ST8SIA4: variants seen among roughly 807,000 people sequenced by gnomAD.
ST8SIA4 encodes CMP-N-acetylneuraminate-poly-alpha-2,8-sialyltransferase.
In ST8SIA4, 15 loss-of-function variants were observed where a neutral mutation model predicts 33.9. The ratio of observed to expected loss-of-function variants is 0.44; its 90% CI spans 0.30 to 0.68. ST8SIA4 has a LOEUF of 0.68. ST8SIA4 is among the 30% of genes least tolerant of loss of function. The pLI, the probability that ST8SIA4 is intolerant of heterozygous loss-of-function variation, is 0.10. For synonymous variants in ST8SIA4, 171 were observed against 151.2 expected, an observed-to-expected ratio of 1.13 and a Z score of -0.96; for missense variants, 321 against 428.0, an observed-to-expected ratio of 0.75 and a Z score of 2.21.
At chr5:100,902,712 T>C in intron 1 of ST8SIA4, 131 bp downstream of exon 1, 1 of 782,792 alleles carries the variant, frequency 1.3e-6, no homozygotes, top group South Asian at 1.5e-5. Flanking sequence ...TGTTATTTAA[T>C]TCATGACACT....
intron 4 of ST8SIA4, among the ~76,000 whole-genome samples, chr5:100,820,773 A>C (rs1173488291): frequency 6.6e-6 from 1 of 152,176 alleles, no homozygotes. Flanking sequence ...GATTTTGGTG[A>C]AGAAGAATTT....
intron 4 of ST8SIA4, among the ~76,000 whole-genome samples, chr5:100,852,366 C>T (rs561477416): frequency 6.6e-5 from 10 of 151,654 alleles, no homozygotes; most frequent in South Asian, 2.1e-4. Context: ...AGGTAATCCA[C>T]GCACCTTGGC....
intron 4 of ST8SIA4, among the ~76,000 whole-genome samples, chr5:100,822,991 C>T (rs1279718367): frequency 2.6e-5 from 4 of 151,936 alleles, no homozygotes; most frequent in African/African-American, 9.7e-5. Flanking sequence ...AGTAGCCGGG[C>T]GTGGTGGCGG....
chr5:100,815,420 T>TCTTC (rs536259994), intron 4 of ST8SIA4, among the ~76,000 whole-genome samples: 152 of 151,478 alleles, frequency 1.0e-3, no homozygotes, highest in East Asian at 7.0e-3. Flanking sequence ...ATCCTTCCTT[T>TCTTC]CTTCCTTCCT....
At chr5:100,892,285 T>C (rs1301980291) in intron 2 of ST8SIA4, among the ~76,000 whole-genome samples, 1 of 152,174 alleles carries the variant, frequency 6.6e-6, no homozygotes, top group African/African-American at 2.4e-5. Context: ...TCACAACATT[T>C]AATGCATCTT....
chr5:100,828,396 T>A (rs1188087520), intron 4 of ST8SIA4, among the ~76,000 whole-genome samples: 1 of 152,156 alleles, frequency 6.6e-6, no homozygotes, highest in Non-Finnish European at 1.5e-5. Flanking sequence ...CTCCTTAGGG[T>A]CAGTGTGCTT....
chr5:100,896,400 A>G (rs1752781675), intron 1 of ST8SIA4, among the ~76,000 whole-genome samples: 1 of 152,136 alleles, frequency 6.6e-6, no homozygotes, highest in African/African-American at 2.4e-5. Flanking sequence ...AAAACAGTGG[A>G]AATCATAGAA....
intron 4 of ST8SIA4, among the ~76,000 whole-genome samples, chr5:100,833,309 A>G (rs2112416561): frequency 6.6e-6 from 1 of 152,206 alleles, no homozygotes; most frequent in South Asian, 2.1e-4. Flanking sequence ...TTCATGATTG[A>G]TGACACACAG....
At chr5:100,841,376 G>T (rs1751466855) in intron 4 of ST8SIA4, among the ~76,000 whole-genome samples, 1 of 151,824 alleles carries the variant, frequency 6.6e-6, no homozygotes, top group African/African-American at 2.4e-5. Flanking sequence ...GGAGGATAGG[G>T]TCTGGAGGCA....
intron 3 of ST8SIA4, among the ~76,000 whole-genome samples, chr5:100,871,279 C>A (rs765953480): frequency 6.6e-6 from 1 of 151,918 alleles, no homozygotes; most frequent in Non-Finnish European, 1.5e-5. Context: ...AATAAAAAAT[C>A]GATTGAATTA....
In ST8SIA4 at chr5:100,810,276, GA is replaced by G. The variant is rs1245114801; in HGVS notation, c.*1570del. On this transcript the variant is annotated 3_prime_UTR_variant, in exon 5 of 5. Coordinates refer to ENST00000231461, the MANE Select transcript of ST8SIA4 (RefSeq NM_005668.6). ...GATATTGTGACTAAATTTAACTACAGAAAATATCGGTCAATTAAATTCATTT... is the reference window on the plus strand; with the variant it reads ...GATATTGTGACTAAATTTAACTACAGAAATATCGGTCAATTAAATTCATTT... 6.6e-6 allele frequency: 1 copy of G among 152,116 alleles called. No homozygotes were observed. Among genetic ancestry groups the G allele is most frequent in the Non-Finnish European group, 1.5e-5 (1 of 68,012 alleles). The allele number at this position is 152,116 out of a possible 1,614,324, so 9.4% of individuals were successfully genotyped here. A position where few individuals can be genotyped will look rare whatever the true frequency, so the allele number is the denominator to read the frequency against.
At position 100,811,832 on chromosome 5, in the gene ST8SIA4, G is replaced by A; in HGVS notation, c.*15C>T. 4 of 1,588,440 alleles carry A rather than the reference G, an allele frequency of 2.5e-6. No homozygotes were observed. The highest frequency in any genetic ancestry group is 1.8e-5 in the Admixed American group (1 of 56,086). On this transcript the variant is annotated 3_prime_UTR_variant, in exon 5 of 5. Coordinates refer to ENST00000231461, the MANE Select transcript of ST8SIA4 (RefSeq NM_005668.6). ...TTCAGAAAAGAAGTGCATATTGTTT[G>A]TTTCAAAATGTGCTTTATTGCTTTA... is the stretch of plus-strand genomic sequence containing the variant.
chr5:100,816,898 C>G (rs1226312007), intron 4 of ST8SIA4, among the ~76,000 whole-genome samples: 1 of 151,142 alleles, frequency 6.6e-6, no homozygotes, highest in East Asian at 1.9e-4. Context: ...TTCTTCCAGT[C>G]TGCAGTAATT....
At chr5:100,876,867 CT>C (rs997639869) in intron 3 of ST8SIA4, among the ~76,000 whole-genome samples, 2 of 151,610 alleles carry the variant, frequency 1.3e-5, no homozygotes, top group African/African-American at 4.8e-5. Flanking sequence ...TTTTCTGTTT[CT>C]TTTTTTAACT....
intron 3 of ST8SIA4, among the ~76,000 whole-genome samples, chr5:100,882,407 T>G (rs1424849453): frequency 6.6e-6 from 1 of 152,208 alleles, no homozygotes; most frequent in Non-Finnish European, 1.5e-5. Flanking sequence ...ACTTGGGTGC[T>G]GTTAAAGGCA....
chr5:100,824,645 A>G (rs1323235672), intron 4 of ST8SIA4, among the ~76,000 whole-genome samples: 1 of 152,196 alleles, frequency 6.6e-6, no homozygotes, highest in East Asian at 1.9e-4. Context: ...ATTTTAAATT[A>G]TAGCATCTGA....
intron 3 of ST8SIA4, among the ~76,000 whole-genome samples, chr5:100,870,003 C>A (rs965587640): frequency 6.6e-6 from 1 of 152,138 alleles, no homozygotes; most frequent in African/African-American, 2.4e-5. Context: ...CCACCTCCCC[C>A]ACCCCACGAC....
Position 100,807,818 on chromosome 5 carries a change from C to T in ST8SIA4, c.*4029G>A, listed in dbSNP as rs1430312821. The T allele has an allele frequency of 3.9e-5, 6 of 152,382 alleles. No individual in the cohort carries two copies. The highest frequency in any genetic ancestry group is 5.9e-5 in the Non-Finnish European group (4 of 67,952). The allele number at this position is 152,382 out of a possible 1,614,324, so 9.4% of individuals were successfully genotyped here. ...CTCAGTGTGTATACAGACATATACA[C>T]ATATATAACATTGTATATATGCATC... On this transcript the variant is annotated 3_prime_UTR_variant, in exon 5 of 5. Coordinates refer to ENST00000231461, the MANE Select transcript of ST8SIA4 (RefSeq NM_005668.6).
At chr5:100,858,080 C>T (rs1442293691) in intron 3 of ST8SIA4, among the ~76,000 whole-genome samples, 1 of 151,998 alleles carries the variant, frequency 6.6e-6, no homozygotes, top group Non-Finnish European at 1.5e-5. Context: ...TCAAAGTGAA[C>T]ACCTTCTTGT....
Sources: gnomAD v4.1 joint callset for allele counts (sites outside exome capture counted in the v4.1 genomes callset) on GRCh38, gnomAD v4.1.1 for gene constraint, MANE v1.5 for transcripts, NCBI Gene and HGNC (gene_info 2026-07-23, HGNC 2026-07-21) for gene names.